MYH7B: variants seen among roughly 807,000 people sequenced by gnomAD.
MYH7B encodes the protein myosin heavy chain 7B.
Under a neutral mutation model 234.5 loss-of-function variants are expected in MYH7B, and 205 were observed. The observed-to-expected ratio is 0.87, with a 90% CI of 0.78 to 0.98. MYH7B has a LOEUF of 0.98. MYH7B is among the 50% of genes least tolerant of loss of function. The pLI is 0.00. For missense variants in MYH7B, 2,652 were observed against 2,633.4 expected (o/e 1.01, Z -0.15); for synonymous variants, 1,193 against 1,105.0 (o/e 1.08, Z -1.58).
At chr20:34,993,598 G>T in intron 26 of MYH7B, 128 bp downstream of exon 26, 1 of 1,090,290 alleles carries the variant, frequency 9.2e-7, no homozygotes, top group Non-Finnish European at 1.3e-6. Context: ...TTGGGGCAAG[G>T]TTCTGTTCTG....
rs556849314 is a variant in MYH7B at position 34,978,860 on chromosome 20, C to T, written c.92-530C>T. 2.6e-5 allele frequency among the ~76,000 whole-genome samples: 4 copies of T among 152,286 alleles called. No homozygotes were observed. The South Asian group carries it at 6.2e-4, about 24-fold the overall frequency. The stretch of plus-strand genomic sequence containing the variant: ...TTGGCAGAGCAGGGGACACAAACTC[C>T]GGTTTGCAGCCTGAGTCCATGCTTC... On this transcript the variant is annotated intron_variant, in intron 5 of 44. Coordinates refer to ENST00000262873, the Ensembl canonical transcript of MYH7B.
intron 3 of MYH7B, among the ~76,000 whole-genome samples, chr20:34,977,060 C>CA (rs200460386): frequency 1.1e-5 from 1 of 90,164 alleles, no homozygotes; most frequent in Non-Finnish European, 2.3e-5. Context: ...TACCCCTCCC[C>CA]CCTCTCTCTC....
intron 18 of MYH7B, 63 bp from the exon 19 acceptor site, chr20:34,988,029 T>C: frequency 1.9e-6 from 3 of 1,577,992 alleles, no homozygotes; most frequent in Non-Finnish European, 2.6e-6. Context: ...CTCATGCCCC[T>C]CCCCGGGCCT....
At chr20:34,990,642 T>G (rs912702159) in intron 22 of MYH7B, 96 bp from the exon 23 acceptor site, 6 of 1,140,190 alleles carry the variant, frequency 5.3e-6, no homozygotes, top group Non-Finnish European at 7.9e-6. Flanking sequence ...GCAGGGCACT[T>G]AGGGCCCTGC....
At chr20:34,968,360 C>T (rs2081761947) in intron 2 of MYH7B, among the ~76,000 whole-genome samples, 1 of 152,210 alleles carries the variant, frequency 6.6e-6, no homozygotes, top group Admixed American at 6.5e-5. Context: ...GCTAGGCTCT[C>T]TGCATGTGTT....
In MYH7B at chr20:34,987,101, TGGAGGAGCCC is replaced by T. The variant is rs140827565; in HGVS notation, c.1009-47_1009-38del. ...CCCGGGGCAGTGCCTGGCTGGACCC[TGGAGGAGCCC>T]AGACCTCTCTGAACTCGCTTTCCCT... On this transcript the variant is annotated intron_variant, in intron 15 of 44. Coordinates refer to ENST00000262873, the Ensembl canonical transcript of MYH7B. 1.6e-3 allele frequency: 2,622 copies of T among 1,611,168 alleles called. 32 individuals are homozygous for T. In the African/African-American group the frequency reaches 0.031, roughly 19 times the overall value.
chr20:34,968,003 C>T (rs2081758830), intron 2 of MYH7B, among the ~76,000 whole-genome samples: 1 of 152,216 alleles, frequency 6.6e-6, no homozygotes, highest in African/African-American at 2.4e-5. Context: ...GCCATAGTAC[C>T]CCAACACCCA....
At chr20:35,002,182 G>T in exon 45 of MYH7B, 1 of 1,552,052 alleles carries the variant, frequency 6.4e-7, no homozygotes, top group Admixed American at 1.8e-5. Flanking sequence ...CTCAGCACAA[G>T]GAGTGACGGC....
chr20:34,977,184 TC>T (rs2098828598), intron 3 of MYH7B, among the ~76,000 whole-genome samples: 1 of 152,118 alleles, frequency 6.6e-6, no homozygotes, highest in African/African-American at 2.4e-5. Flanking sequence ...TGGCCATTGC[TC>T]GTCTGTGAGA....
At chr20:34,979,776 G>A (rs1420285723) in exon 7 of MYH7B, 3 of 1,613,862 alleles carry the variant, frequency 1.9e-6, no homozygotes, top group East Asian at 4.5e-5. Context: ...CACAACCTGC[G>A]CCAGCGCTAT....
chr20:34,972,369 G>A (rs6120777), intron 2 of MYH7B, among the ~76,000 whole-genome samples: 24,386 of 151,552 alleles, frequency 0.16, 2,060 homozygotes, highest in Middle Eastern at 0.29. Flanking sequence ...AGGGCTTCCC[G>A]CCTCACCGGC....
In MYH7B at chr20:34,998,787, C is replaced by T. The variant is rs372919021; in HGVS notation, c.4062C>T (p.His1354=). ...ACTGTGACCTCCTGCGGGAGCAACA[C>T]GAGGAGGAGGCTGAGGCCCAGGCTG... The change falls in exon 35 of 45, where the codon CAC becomes CAT. Residue 1354 remains histidine, a synonymous_variant. Transcript: ENST00000262873. The T allele has an allele frequency of 1.2e-4, 192 of 1,613,058 alleles. 1 individual carries two copies. The highest frequency in any genetic ancestry group is 2.9e-4 in the African/African-American group (22 of 75,042).
At chr20:34,975,274 G>A (rs370570646) in intron 2 of MYH7B, 126 bp from the exon 3 acceptor site, 4 of 436,092 alleles carry the variant, frequency 9.2e-6, no homozygotes, top group East Asian at 3.4e-5. Flanking sequence ...GTGTGATCTC[G>A]GCGCACTGTA....
Position 34,996,511 on chromosome 20 carries a change from C to T in MYH7B, c.3109C>T (p.Gln1037Ter), listed in dbSNP as rs780675553. 2.5e-6 allele frequency: 4 copies of T among 1,610,942 alleles called. No homozygotes were observed. The South Asian group carries it at 3.3e-5, about 13-fold the overall frequency. Residue 1037 changes from glutamine (Q) to a stop codon, truncating the protein, a stop_gained, in exon 29 of 45, where the codon CAG becomes TAG. Coordinates refer to ENST00000262873, the Ensembl canonical transcript of MYH7B. LOFTEE classifies it high-confidence loss of function. ...CAAGGCCAAGCTCCGGCTGGAGCAA[C>T]AGGTGGAGGACGTGAGTCAGGGCCA...
rs1045858629 is a variant in MYH7B at position 34,999,830 on chromosome 20, C to T, written c.4705C>T (p.Gln1569Ter). The T allele has an allele frequency of 6.2e-7, 1 of 1,612,572 alleles. No individual in the cohort carries two copies. Reference sequence around the variant, plus strand: ...GGAGGAGACCAAGACGCTGCGGATCCAGCTGGAGCTCTCCCAGGTCAAAGC... The same window carrying T: ...GGAGGAGACCAAGACGCTGCGGATCTAGCTGGAGCTCTCCCAGGTCAAAGC... The change falls in exon 38 of 45, where the codon CAG (glutamine) becomes TAG (stop). Residue 1569 changes from glutamine to a stop codon, truncating the protein, a stop_gained. Transcript: ENST00000262873. LOFTEE classifies it high-confidence loss of function.
At chr20:34,999,520 G>T (rs780754230) in intron 36 of MYH7B, 51 bp from the exon 37 acceptor site, 2 of 1,550,594 alleles carry the variant, frequency 1.3e-6, no homozygotes, top group Middle Eastern at 1.7e-4. Flanking sequence ...GAGTGACCTG[G>T]GTGGGAGTAC....
chr20:34,997,189 G>T lies in MYH7B; in HGVS notation c.3357+16G>T. On this transcript the variant is annotated intron_variant, in intron 31 of 44. Coordinates refer to ENST00000262873, the Ensembl canonical transcript of MYH7B. Reference sequence around the variant, plus strand: ...GGAGCTGCAGGTGCGTGGGGATCGGGTGGGTGAGGCCTGGGGTCAGAGGCC... The same window carrying T: ...GGAGCTGCAGGTGCGTGGGGATCGGTTGGGTGAGGCCTGGGGTCAGAGGCC... 6.4e-7 allele frequency: 1 copy of T among 1,550,798 alleles called. No homozygotes were observed.
At chr20:35,001,824 G>C (rs2082392675) in intron 43 of MYH7B, 124 bp from the exon 44 acceptor site, 2 of 1,421,908 alleles carry the variant, frequency 1.4e-6, no homozygotes, top group Non-Finnish European at 1.9e-6. Flanking sequence ...GGTGAGGATG[G>C]ACAGTGGCAA....
exon 36 of MYH7B, chr20:34,999,191 G>A (rs777385270): frequency 3.7e-5 from 60 of 1,612,764 alleles, no homozygotes; most frequent in Non-Finnish European, 4.5e-5. Flanking sequence ...TGGAGCGGGC[G>A]ACCTCAGCAG....
Sources: gnomAD v4.1 joint callset for allele counts (sites outside exome capture counted in the v4.1 genomes callset) on GRCh38, gnomAD v4.1.1 for gene constraint, MANE v1.5 for transcripts, NCBI Gene and HGNC (gene_info 2026-07-23, HGNC 2026-07-21) for gene names.